MAD1L1: variants seen among roughly 807,000 people sequenced by gnomAD.
MAD1L1 encodes the protein mitotic spindle assembly checkpoint protein MAD1.
In MAD1L1, 95 loss-of-function variants were observed where a neutral mutation model predicts 96.9. The ratio of observed to expected loss-of-function variants is 0.98; its 90% confidence interval spans 0.83 to 1.16. The LOEUF is 1.16. Among genes scored for constraint, MAD1L1 ranks in the 50% most tolerant of loss-of-function variants. The pLI, the probability that MAD1L1 is intolerant of heterozygous loss-of-function variation, is 0.00. For synonymous variants in MAD1L1, 473 were observed against 396.6 expected (o/e 1.19, Z -2.29); for missense variants, 1,007 against 954.4 (o/e 1.06, Z -0.73).
intron 10 of MAD1L1, among the ~76,000 whole-genome samples, chr7:2,173,045 T>A (rs910006903): frequency 6.6e-6 from 1 of 152,196 alleles, no homozygotes; most frequent in Non-Finnish European, 1.5e-5. Flanking sequence ...TGAAGTTACA[T>A]AAACAAAGTG....
At chr7:1,906,724 C>T (rs1463674893) in intron 17 of MAD1L1, among the ~76,000 whole-genome samples, 1 of 152,220 alleles carries the variant, frequency 6.6e-6, no homozygotes, top group Non-Finnish European at 1.5e-5. Flanking sequence ...CCTGAGAACC[C>T]GGAACATGGA....
In MAD1L1 at chr7:1,846,195, C is replaced by T. The variant is rs545360706; in HGVS notation, c.1999-29967G>A. 4 of 152,716 alleles carry T rather than the reference C, an allele frequency of 2.6e-5. 1 individual carries two copies. The highest frequency in any genetic ancestry group is 6.8e-3 in the Middle Eastern group (2 of 296). The allele number at this position is 152,716 out of a possible 1,614,324, so 9.5% of individuals were successfully genotyped here. On this transcript the variant is annotated intron_variant, in intron 18 of 18. Coordinates refer to ENST00000265854, the MANE Select transcript of MAD1L1 (RefSeq NM_001013836.2). ...CCAGGGCCAGTCTCCCCCTGCTGCC[C>T]TTCCCGCAGGGCCAGGGGCTGGTCA...
chr7:2,020,836 A>G (rs949363824), intron 12 of MAD1L1, among the ~76,000 whole-genome samples: 1 of 152,166 alleles, frequency 6.6e-6, no homozygotes, highest in Non-Finnish European at 1.5e-5. Context: ...TCAAGAATGA[A>G]TAACTTAGAA....
chr7:1,980,719 T>C (rs762218467), intron 14 of MAD1L1, 178 bp from the exon 15 acceptor site: 3 of 703,528 alleles, frequency 4.3e-6, no homozygotes, highest in South Asian at 1.5e-5. Context: ...ACTCTAACTT[T>C]GCAAACTCAA....
rs1157916492 is a variant in MAD1L1, at chr7:1,968,610, C to CGCTG, written c.1506-10895_1506-10892dup. Among the ~76,000 whole-genome samples, 1 of 152,216 alleles carries CGCTG rather than the reference C, an allele frequency of 6.6e-6. No homozygotes were observed. The highest frequency in any genetic ancestry group is 1.5e-5 in the Non-Finnish European group (1 of 67,992). Reference sequence around the variant, plus strand: ...CACGCCTCAGTCCGGCAGTCAGGTCCGCTGTCAACGCCTCAGTCCAGCGGT... The same window carrying CGCTG: ...CACGCCTCAGTCCGGCAGTCAGGTCCGCTGGCTGTCAACGCCTCAGTCCAGCGGT... On this transcript the variant is annotated intron_variant, in intron 15 of 18. Coordinates refer to ENST00000265854, the MANE Select transcript of MAD1L1 (RefSeq NM_001013836.2). This position sits in a 1 kb window ranked among gnomAD's most constrained non-coding sequence, Gnocchi z 5.6.
intron 17 of MAD1L1, among the ~76,000 whole-genome samples, chr7:1,925,604 C>G (rs1475155896): frequency 1.3e-5 from 2 of 152,258 alleles, no homozygotes; most frequent in African/African-American, 4.8e-5. Context: ...CACGTGACCT[C>G]AACGCCTCCC....
Position 1,957,634 on chromosome 7 carries a change from G to A in MAD1L1, c.1591C>T (p.Leu531=), listed in dbSNP as rs1779782956. ...MLEAQLERRA[L]QGDYDQSRTK... is the part of the protein sequence containing the mutation. ...AGAGGCTGCCCCGCCCTCACCTGCAGAGCTCGCCGCTCCAGCTGTGCCTCC... is the reference window on the plus strand; with the variant it reads ...AGAGGCTGCCCCGCCCTCACCTGCAAAGCTCGCCGCTCCAGCTGTGCCTCC... The change falls in exon 16 of 19, where the codon CTG becomes TTG. Residue 531 remains leucine, a synonymous_variant. Coordinates refer to ENST00000265854, the MANE Select transcript of MAD1L1 (RefSeq NM_001013836.2). 1.2e-6 allele frequency: 2 copies of A among 1,613,876 alleles called. No homozygotes were observed. Among genetic ancestry groups the A allele is most frequent in the African/African-American group, 1.3e-5 (1 of 75,064 alleles).
intron 13 of MAD1L1, among the ~76,000 whole-genome samples, chr7:2,002,336 C>A (rs988296669): frequency 6.6e-6 from 1 of 152,166 alleles, no homozygotes; most frequent in Admixed American, 6.5e-5. Flanking sequence ...CTGATGGAGA[C>A]GAAGACCGAG....
intron 18 of MAD1L1, among the ~76,000 whole-genome samples, chr7:1,894,133 G>A (rs1786720856): frequency 6.6e-6 from 1 of 152,208 alleles, no homozygotes; most frequent in Non-Finnish European, 1.5e-5. Context: ...TACAAAGGAG[G>A]CAGGAATGAC....
chr7:2,030,853 C>A lies in MAD1L1; in HGVS notation c.1219-16211G>T, dbSNP rs757188128. On this transcript the variant is annotated intron_variant, in intron 12 of 18. Transcript: ENST00000265854. The stretch of plus-strand genomic sequence containing the variant: ...CCCAACCTGCGCCTGGTGCTCTCGG[C>A]CAACCTTGCTCAGAGCTTGATGATA... 4.8e-4 allele frequency among the ~76,000 whole-genome samples: 73 copies of A among 152,186 alleles called. 3 individuals carry two copies. Among genetic ancestry groups the A allele is most frequent in the Non-Finnish European group, 2.4e-4 (16 of 68,038 alleles).
At position 2,151,287 on chromosome 7, in the gene MAD1L1, C is replaced by T. The variant is rs115017744; in HGVS notation, c.987-2049G>A. Reference sequence around the variant, plus strand: ...AAATCGCATATATCCACATCTGCAACGGCGCCTCCCAGCCCCTGTGCCCAG... The same window carrying T: ...AAATCGCATATATCCACATCTGCAATGGCGCCTCCCAGCCCCTGTGCCCAG... On this transcript the variant is annotated intron_variant, in intron 10 of 18. Transcript: ENST00000265854. Among the ~76,000 whole-genome samples the T allele has an allele frequency of 9.9e-3, 1,504 of 152,350 alleles. 25 individuals are homozygous for T. The highest frequency in any genetic ancestry group is 0.034 in the African/African-American group (1,412 of 41,580).
In MAD1L1 at chr7:2,014,546, CA is replaced by C; in HGVS notation, c.1314del (p.Glu439ArgfsTer39). On this transcript the variant is annotated frameshift_variant, in exon 13 of 19. Transcript: ENST00000265854. LOFTEE classifies it high-confidence loss of function. ...SPQLTRRMRE[A>X]EDMVQKVHSH... ...CTGTGCACCTTCTGCACCATATCCTCAGCCTCCCGCATGCGCCGCGTCAGCT... is the reference window on the plus strand; with the variant it reads ...CTGTGCACCTTCTGCACCATATCCTCGCCTCCCGCATGCGCCGCGTCAGCT... 6.2e-7 allele frequency: 1 copy of C among 1,610,112 alleles called. No individual in the cohort carries two copies. The highest frequency in any genetic ancestry group is 2.2e-5 in the East Asian group (1 of 44,848).
chr7:1,936,667 CG>C lies in MAD1L1; in HGVS notation c.1807+19del. 2.6e-6 allele frequency: 4 copies of C among 1,544,032 alleles called. No individual in the cohort carries two copies. ...ACGGAAGGTCGAGGATGGCAGGGAC[CG>C]GGGGTGGGGGGTGCCTACCTGCCAC... On this transcript the variant is annotated intron_variant, in intron 17 of 18. Coordinates refer to ENST00000265854, the MANE Select transcript of MAD1L1 (RefSeq NM_001013836.2).
At chr7:1,920,449 G>A (rs967024810) in intron 17 of MAD1L1, among the ~76,000 whole-genome samples, 8 of 152,222 alleles carry the variant, frequency 5.3e-5, no homozygotes, top group Non-Finnish European at 8.8e-5. Flanking sequence ...ATTCCTCAGA[G>A]GCACCAAGGG....
intron 16 of MAD1L1, among the ~76,000 whole-genome samples, chr7:1,940,935 C>CCAGGCCTCAGCCTCCTCTTCCTCCCCCCG (rs1778932367): frequency 7.0e-4 from 66 of 93,920 alleles, no homozygotes; most frequent in Non-Finnish European, 1.3e-3. Flanking sequence ...CCCTCCTCCC[C>CCAGGCCTCAGCCTCCTCTTCCTCCCCCCG]CAGGCCTCAC....
intron 13 of MAD1L1, among the ~76,000 whole-genome samples, chr7:2,008,756 A>G (rs575671483): frequency 6.9e-6 from 1 of 144,890 alleles, no homozygotes; most frequent in South Asian, 2.3e-4. Flanking sequence ...TCAGACGCAG[A>G]CACGCAGGAA....
In MAD1L1 at chr7:2,213,225, C is replaced by T. The variant is rs138556991; in HGVS notation, c.973G>A (p.Gly325Ser). ...GCCCTTCCCTACCTGATGCTCAGGCCCATGGTCTGGTCCAGTCTCTCCCAG... is the reference window on the plus strand; with the variant it reads ...GCCCTTCCCTACCTGATGCTCAGGCTCATGGTCTGGTCCAGTCTCTCCCAG... ...QSWERLDQTMGLSIRTPEDLS... is the reference protein window; with the variant it reads ...QSWERLDQTMSLSIRTPEDLS... The change falls in exon 10 of 19, where the codon GGC becomes AGC. Residue 325 changes from glycine (G) to serine (S), a missense_variant. Gly to Ser is a moderately conservative substitution (Grantham distance 56). Transcript: ENST00000265854. 83 of 1,614,174 alleles carry T rather than the reference C, an allele frequency of 5.1e-5. No individual in the cohort carries two copies. In the African/African-American group the frequency reaches 9.1e-4, roughly 18 times the overall value.
intron 10 of MAD1L1, among the ~76,000 whole-genome samples, chr7:2,183,046 G>C (rs1791278248): frequency 1.3e-5 from 2 of 151,880 alleles, no homozygotes; most frequent in African/African-American, 4.8e-5. Flanking sequence ...AACATAGTGA[G>C]ACCCTATCTC....
intron 10 of MAD1L1, among the ~76,000 whole-genome samples, chr7:2,198,117 T>C (rs1792089697): frequency 6.6e-6 from 1 of 151,908 alleles, no homozygotes; most frequent in South Asian, 2.1e-4. Flanking sequence ...AGGGTTATCT[T>C]TATATTTTTA....
Sources: allele counts gnomAD v4.1 joint callset (sites outside exome capture counted in the v4.1 genomes callset), GRCh38; gene constraint gnomAD v4.1.1; non-coding constraint Gnocchi (gnomAD v3.1); transcripts MANE v1.5; gene names NCBI Gene and HGNC (gene_info 2026-07-23, HGNC 2026-07-21).